GRM8: variants seen among roughly 807,000 people sequenced by gnomAD.
The protein encoded by GRM8 is glutamate metabotropic receptor 8.
GRM8 carries 47 observed loss-of-function variants against 87.2 expected under a neutral mutation model. The observed-to-expected ratio is 0.54, with a 90% confidence interval of 0.43 to 0.69. The LOEUF (loss-of-function observed/expected upper bound fraction) is 0.69. Ranked by LOEUF, GRM8 falls within the 30% of genes least tolerant of loss-of-function variation. GRM8 has a pLI of 0.00. For synonymous variants in GRM8, 396 were observed against 404.5 expected (o/e 0.98, Z 0.25); for missense variants, 1,019 against 1,139.2 (o/e 0.89, Z 1.52).
At chr7:126,867,713 G>T (rs1798725139) in intron 6 of GRM8, among the ~76,000 whole-genome samples, 1 of 152,136 alleles carries the variant, frequency 6.6e-6, no homozygotes, top group Non-Finnish European at 1.5e-5. Flanking sequence ...AGGAAAGCCA[G>T]AGAAGAACAG....
chr7:126,701,688 T>C, intron 7 of GRM8: 1 of 519,390 alleles, frequency 1.9e-6, no homozygotes, highest in Non-Finnish European at 3.5e-6. Context: ...TGAGAATTTT[T>C]TTTTAGTTTT....
chr7:126,453,984 C>T (rs1245809173), intron 9 of GRM8, among the ~76,000 whole-genome samples: 1 of 151,554 alleles, frequency 6.6e-6, no homozygotes, highest in Non-Finnish European at 1.5e-5. Flanking sequence ...ACTTTTGGCC[C>T]TTTATCACTG....
At chr7:126,711,878 C>T (rs956636777) in intron 7 of GRM8, among the ~76,000 whole-genome samples, 2 of 152,220 alleles carry the variant, frequency 1.3e-5, no homozygotes, top group African/African-American at 2.4e-5. Flanking sequence ...GAGAGCAGGG[C>T]TTCGCTCTGG....
chr7:126,985,018 C>CCA (rs946017826), intron 3 of GRM8, among the ~76,000 whole-genome samples: 7 of 151,162 alleles, frequency 4.6e-5, no homozygotes, highest in East Asian at 1.9e-4. Context: ...AATTCTTCCA[C>CCA]CACACACACA....
chr7:127,080,314 G>T (rs538986864), intron 3 of GRM8, among the ~76,000 whole-genome samples: 1 of 152,332 alleles, frequency 6.6e-6, no homozygotes, highest in South Asian at 2.1e-4. Context: ...AAGGAGCACA[G>T]CTCTGCTGAA....
intron 8 of GRM8, among the ~76,000 whole-genome samples, chr7:126,547,234 G>A (rs1817255893): frequency 6.6e-6 from 1 of 152,076 alleles, no homozygotes; most frequent in East Asian, 1.9e-4. Context: ...AAAGATCACT[G>A]GGCATTTAAA....
intron 2 of GRM8, among the ~76,000 whole-genome samples, chr7:127,236,678 G>T (rs1186456270): frequency 6.6e-6 from 1 of 152,136 alleles, no homozygotes; most frequent in Non-Finnish European, 1.5e-5. Context: ...GGGACACAAA[G>T]CCTAAACATA....
chr7:126,471,006 C>T (rs373115948), intron 9 of GRM8, among the ~76,000 whole-genome samples: 122 of 151,918 alleles, frequency 8.0e-4, no homozygotes, highest in Admixed American at 9.8e-4. Flanking sequence ...GAAGTGTCTG[C>T]TCATGTCCTT....
chr7:126,564,272 G>C (rs1205478373), intron 8 of GRM8, among the ~76,000 whole-genome samples: 1 of 152,166 alleles, frequency 6.6e-6, no homozygotes, highest in East Asian at 1.9e-4. Context: ...CCTCATCAAA[G>C]AAGATGCTAG....
chr7:126,826,083 G>C (rs1356070692), intron 6 of GRM8, among the ~76,000 whole-genome samples: 1 of 152,082 alleles, frequency 6.6e-6, no homozygotes, highest in Non-Finnish European at 1.5e-5. Flanking sequence ...GTGTTCCATT[G>C]TGTATATGTG....
chr7:126,698,038 C>T (rs560459514), intron 7 of GRM8, among the ~76,000 whole-genome samples: 3 of 152,214 alleles, frequency 2.0e-5, no homozygotes, highest in Non-Finnish European at 2.9e-5. Context: ...CCTTTACATA[C>T]TCCTATTGTC....
intron 2 of GRM8, among the ~76,000 whole-genome samples, chr7:127,199,103 A>G (rs1415208606): frequency 6.6e-6 from 1 of 151,470 alleles, no homozygotes; most frequent in Non-Finnish European, 1.5e-5. Context: ...AGCCTCCCAA[A>G]GTGCTGGGAT....
At chr7:126,844,785 T>C (rs1228895841) in intron 6 of GRM8, among the ~76,000 whole-genome samples, 1 of 152,174 alleles carries the variant, frequency 6.6e-6, no homozygotes, top group Admixed American at 6.6e-5. Context: ...ATAGAGAAAA[T>C]GATCTCTCTT....
chr7:126,738,810 T>C (rs1186849426), intron 7 of GRM8, among the ~76,000 whole-genome samples: 1 of 147,422 alleles, frequency 6.8e-6, no homozygotes, highest in Non-Finnish European at 1.5e-5. Flanking sequence ...AATATTTAAT[T>C]GCTAGAAGAG....
At chr7:126,623,302 A>AT (rs1312770694) in intron 7 of GRM8, among the ~76,000 whole-genome samples, 1 of 152,152 alleles carries the variant, frequency 6.6e-6, no homozygotes, top group Non-Finnish European at 1.5e-5. Context: ...AAAAGTCTAA[A>AT]TTTTTTTAAT....
chr7:126,472,627 A>G (rs1018845136), intron 9 of GRM8, among the ~76,000 whole-genome samples: 11 of 152,222 alleles, frequency 7.2e-5, no homozygotes, highest in African/African-American at 2.7e-4. Flanking sequence ...GGAGAAATTC[A>G]AGCCAGCTGC....
rs183367175 is a variant in GRM8 at position 126,920,371 on chromosome 7, T to C, written c.728-15688A>G. Among the ~76,000 whole-genome samples, 180 of 152,156 alleles carry C rather than the reference T, an allele frequency of 1.2e-3. 1 individual carries two copies. In the South Asian group the frequency reaches 0.022, roughly 18 times the overall value. On this transcript the variant is annotated intron_variant, in intron 3 of 10. Transcript: ENST00000339582. ...CCTCCAAATACCCAACTAAGTTGTCTACTATAAAAAAAAAGAGGGGAAAAG... is the reference window on the plus strand; with the variant it reads ...CCTCCAAATACCCAACTAAGTTGTCCACTATAAAAAAAAAGAGGGGAAAAG...
chr7:126,479,938 A>G (rs1375203890), intron 9 of GRM8, among the ~76,000 whole-genome samples: 3 of 152,116 alleles, frequency 2.0e-5, no homozygotes, highest in Non-Finnish European at 4.4e-5. Flanking sequence ...TTCATTTATG[A>G]CATGACCCAG....
chr7:126,970,948 T>C (rs1810356678), intron 3 of GRM8, among the ~76,000 whole-genome samples: 1 of 151,934 alleles, frequency 6.6e-6, no homozygotes. Flanking sequence ...TAAGAAAATA[T>C]ATAACATTTT....
Sources: gnomAD v4.1 joint callset for allele counts (sites outside exome capture counted in the v4.1 genomes callset) on GRCh38, gnomAD v4.1.1 for gene constraint, MANE v1.5 for transcripts, NCBI Gene and HGNC (gene_info 2026-07-23, HGNC 2026-07-21) for gene names.